RBFOX1: variants seen among roughly 807,000 people sequenced by gnomAD.
RBFOX1 encodes the protein RNA binding fox-1 homolog 1, also known as RNA binding protein fox-1 homolog 1.
In RBFOX1, 8 loss-of-function variants were observed where a neutral mutation model predicts 57.7. That is an observed-to-expected ratio of 0.14 (90% CI 0.08 to 0.25). RBFOX1 has a LOEUF of 0.25. RBFOX1 is among the 10% of genes least tolerant of loss of function. RBFOX1 has a pLI of 1.00. For missense variants in RBFOX1, 611 were observed against 548.5 expected, an observed-to-expected ratio of 1.11 and a Z score of -1.14; for synonymous variants, 326 against 222.4, an observed-to-expected ratio of 1.47 and a Z score of -4.15.
intron 4 of RBFOX1, among the ~76,000 whole-genome samples, chr16:7,402,057 C>T (rs946677128): frequency 2.0e-5 from 3 of 152,020 alleles, no homozygotes; most frequent in Admixed American, 1.3e-4. Flanking sequence ...TTTAATGATG[C>T]AGAGTGTCAT....
At chr16:5,525,543 G>C (rs963701641) in intron 2 of RBFOX1, among the ~76,000 whole-genome samples, 1 of 133,566 alleles carries the variant, frequency 7.5e-6, no homozygotes, top group Non-Finnish European at 1.5e-5. Context: ...TGTTGCCAAG[G>C]CTGGAGTGCA....
chr16:6,905,984 C>A (rs1249586145), intron 3 of RBFOX1, among the ~76,000 whole-genome samples: 1 of 152,188 alleles, frequency 6.6e-6, no homozygotes, highest in Non-Finnish European at 1.5e-5. Context: ...CAGGGTCCTT[C>A]TGCAGCATTC....
chr16:5,595,971 C>T (rs1453742182), intron 2 of RBFOX1, among the ~76,000 whole-genome samples: 2 of 152,136 alleles, frequency 1.3e-5, no homozygotes, highest in African/African-American at 2.4e-5. Context: ...TTGGTACCAT[C>T]TTCTGTCTCC....
At position 6,888,268 on chromosome 16, in the gene RBFOX1, G is replaced by A. The variant is rs147297942; in HGVS notation, c.-15-163789G>A. Among the ~76,000 whole-genome samples the A allele has an allele frequency of 6.7e-3, 1,024 of 152,204 alleles. 9 individuals are homozygous for A. The highest frequency in any genetic ancestry group is 0.023 in the African/African-American group (970 of 41,542). On this transcript the variant is annotated intron_variant, in intron 3 of 15. Coordinates refer to ENST00000550418, the MANE Select transcript of RBFOX1 (RefSeq NM_018723.4). ...AAAATGAAGGACCACAATGCTTTAT[G>A]GGTTTGTGTTTCTGACAGCTTAAGT...
At chr16:5,596,485 C>A (rs1197156313) in intron 2 of RBFOX1, among the ~76,000 whole-genome samples, 1 of 152,144 alleles carries the variant, frequency 6.6e-6, no homozygotes, top group Non-Finnish European at 1.5e-5. Flanking sequence ...CAGATTGATT[C>A]ATGCTGCCTG....
intron 7 of RBFOX1, 130 bp downstream of exon 7, chr16:7,587,430 A>G (rs780126711): frequency 3.1e-6 from 3 of 980,226 alleles, no homozygotes; most frequent in Non-Finnish European, 4.1e-6. Flanking sequence ...TCCTTTAGAG[A>G]CCACCTTCCG....
Position 6,077,265 on chromosome 16 carries a change from A to T in RBFOX1, c.-127+57273A>T, listed in dbSNP as rs984917215. ...CAGACACCATGGCATTGCAGTTGAC[A>T]TGGCAGCTTGGCCAGGTAGGAGCTC... is the stretch of plus-strand genomic sequence containing the variant. On this transcript the variant is annotated intron_variant, in intron 1 of 15. Transcript: ENST00000550418. Among the ~76,000 whole-genome samples the T allele has an allele frequency of 2.0e-5, 3 of 152,170 alleles. No individual in the cohort carries two copies. The South Asian group carries it at 6.2e-4, about 32-fold the overall frequency.
chr16:6,570,011 T>C (rs2097323289), intron 2 of RBFOX1, among the ~76,000 whole-genome samples: 1 of 152,238 alleles, frequency 6.6e-6, no homozygotes, highest in African/African-American at 2.4e-5. Flanking sequence ...TTGCATTCTC[T>C]TCTGGTTTAG....
At chr16:7,381,521 T>C (rs2097782094) in intron 4 of RBFOX1, among the ~76,000 whole-genome samples, 1 of 152,142 alleles carries the variant, frequency 6.6e-6, no homozygotes, top group Non-Finnish European at 1.5e-5. Flanking sequence ...TTTTTTATTT[T>C]ATTAACAGCT....
chr16:7,440,846 C>T (rs758012892), intron 4 of RBFOX1, among the ~76,000 whole-genome samples: 5 of 152,106 alleles, frequency 3.3e-5, no homozygotes, highest in Non-Finnish European at 7.3e-5. Context: ...TTTTCAGGGT[C>T]CAGCGTGGCC....
intron 1 of RBFOX1, among the ~76,000 whole-genome samples, chr16:5,258,423 T>C (rs2062644781): frequency 6.6e-6 from 1 of 151,912 alleles, no homozygotes; most frequent in Admixed American, 6.6e-5. Context: ...ATTTTTTATA[T>C]GATCATTGTC....
At chr16:6,865,478 C>T (rs574052670) in intron 3 of RBFOX1, among the ~76,000 whole-genome samples, 37 of 152,124 alleles carry the variant, frequency 2.4e-4, no homozygotes, top group Non-Finnish European at 3.4e-4. Flanking sequence ...ACCCAGGCAC[C>T]TTCTTGTTTT....
At chr16:7,272,382 G>A (rs1051454794) in intron 4 of RBFOX1, among the ~76,000 whole-genome samples, 7 of 151,878 alleles carry the variant, frequency 4.6e-5, no homozygotes, top group Admixed American at 2.6e-4. Context: ...ACTGTGTTCC[G>A]CCATGTTGGC....
chr16:5,827,418 A>G (rs1207912401), intron 3 of RBFOX1, among the ~76,000 whole-genome samples: 6 of 150,432 alleles, frequency 4.0e-5, no homozygotes, highest in East Asian at 1.9e-4. Context: ...AAAAAAAAAA[A>G]AAAGAAAAGA....
rs114074166 is a variant in RBFOX1, at chr16:7,497,148, C to T, written c.28-20999C>T. Among the ~76,000 whole-genome samples the T allele has an allele frequency of 9.2e-3, 1,394 of 152,268 alleles. 19 individuals carry two copies. Among genetic ancestry groups the T allele is most frequent in the African/African-American group, 0.033 (1,352 of 41,544 alleles). On this transcript the variant is annotated intron_variant, in intron 4 of 15. Coordinates refer to ENST00000550418, the MANE Select transcript of RBFOX1 (RefSeq NM_018723.4). ...TGCCTGGAACTCTTCAATGGCCTCCCGTTACTTAAAGGATCAAATACAAAC... is the reference window on the plus strand; with the variant it reads ...TGCCTGGAACTCTTCAATGGCCTCCTGTTACTTAAAGGATCAAATACAAAC...
At chr16:6,625,296 C>T (rs865830399) in intron 2 of RBFOX1, among the ~76,000 whole-genome samples, 106 of 151,312 alleles carry the variant, frequency 7.0e-4, no homozygotes, top group African/African-American at 2.4e-3. Flanking sequence ...AGAATAGAGT[C>T]GATTTAAATT....
At chr16:6,706,094 G>A (rs28649406) in intron 3 of RBFOX1, among the ~76,000 whole-genome samples, 13,911 of 152,138 alleles carry the variant, frequency 0.091, 745 homozygotes, top group African/African-American at 0.14. Flanking sequence ...ATTAAAACCC[G>A]GATGCTTAGC....
chr16:5,319,282 G>C (rs1271473060), intron 1 of RBFOX1, among the ~76,000 whole-genome samples: 2 of 152,220 alleles, frequency 1.3e-5, no homozygotes, highest in Non-Finnish European at 1.5e-5. Context: ...TAGAAGCTGA[G>C]AGTGGTCCCT....
intron 3 of RBFOX1, among the ~76,000 whole-genome samples, chr16:6,970,989 T>C (rs1487459992): frequency 6.6e-6 from 1 of 152,192 alleles, no homozygotes; most frequent in Non-Finnish European, 1.5e-5. Context: ...TATTTGATCA[T>C]AGAATGTTTA....
Sources: allele counts gnomAD v4.1 joint callset (sites outside exome capture counted in the v4.1 genomes callset), GRCh38; gene constraint gnomAD v4.1.1; transcripts MANE v1.5; gene names NCBI Gene and HGNC (gene_info 2026-07-23, HGNC 2026-07-21).